UBTD1: variants seen among roughly 807,000 people sequenced by gnomAD.
The protein encoded by UBTD1 is ubiquitin domain containing 1.
UBTD1 carries 19 observed loss-of-function variants against 21.7 expected under a neutral mutation model. The observed-to-expected ratio is 0.87, with a 90% CI of 0.61 to 1.28. The LOEUF is 1.28. UBTD1 is among the 50% of genes most tolerant of loss of function. The pLI is 0.00. For missense variants in UBTD1, 282 were observed against 315.1 expected (o/e 0.89, Z 0.80); for synonymous variants, 116 against 135.1 (o/e 0.86, Z 0.98).
chr10:97,503,772 T>C (rs968433416), intron 1 of UBTD1, among the ~76,000 whole-genome samples: 1 of 152,168 alleles, frequency 6.6e-6, no homozygotes, highest in African/African-American at 2.4e-5. Flanking sequence ...CTTACAGTCT[T>C]GTAGGGGGCA....
At chr10:97,518,195 G>C (rs1195947177) in intron 1 of UBTD1, among the ~76,000 whole-genome samples, 6 of 152,184 alleles carry the variant, frequency 3.9e-5, no homozygotes, top group Non-Finnish European at 8.8e-5. Context: ...TGGAATACTG[G>C]GTGCATCTTG....
intron 1 of UBTD1, among the ~76,000 whole-genome samples, chr10:97,519,321 C>CT (rs1464198260): frequency 6.6e-6 from 1 of 152,194 alleles, no homozygotes; most frequent in Non-Finnish European, 1.5e-5. Context: ...TTCCGTAAAG[C>CT]TTTAAGAACT....
At chr10:97,499,923 T>A (rs2040341291) in intron 1 of UBTD1, among the ~76,000 whole-genome samples, 1 of 152,162 alleles carries the variant, frequency 6.6e-6, no homozygotes, top group African/African-American at 2.4e-5. Context: ...CTGGTGATCC[T>A]CCAGGCCCGC....
At chr10:97,566,468 C>T (rs1190819228) in intron 1 of UBTD1, among the ~76,000 whole-genome samples, 2 of 152,148 alleles carry the variant, frequency 1.3e-5, no homozygotes, top group Non-Finnish European at 2.9e-5. Context: ...ACTGTGAATT[C>T]AGATGGTGAA....
chr10:97,558,677 G>A (rs1359405289), intron 1 of UBTD1, among the ~76,000 whole-genome samples: 1 of 151,652 alleles, frequency 6.6e-6, no homozygotes, highest in Non-Finnish European at 1.5e-5. Context: ...AGCTCTTGCT[G>A]TTGGGTGTAA....
chr10:97,543,166 G>A (rs2040594077), intron 1 of UBTD1, among the ~76,000 whole-genome samples: 5 of 152,226 alleles, frequency 3.3e-5, no homozygotes, highest in Admixed American at 1.3e-4. Flanking sequence ...TGCGGACCCC[G>A]AGGGTCAGAA....
At chr10:97,505,930 TA>T (rs1213578256) in intron 1 of UBTD1, among the ~76,000 whole-genome samples, 7 of 152,244 alleles carry the variant, frequency 4.6e-5, no homozygotes, top group African/African-American at 1.7e-4. Context: ...AAGAAATGTT[TA>T]AAAACTATTT....
At chr10:97,505,059 G>A (rs186887847) in intron 1 of UBTD1, among the ~76,000 whole-genome samples, 12 of 152,260 alleles carry the variant, frequency 7.9e-5, no homozygotes, top group Admixed American at 5.9e-4. Flanking sequence ...CCAGGCACAC[G>A]TGATGTTTGT....
intron 1 of UBTD1, among the ~76,000 whole-genome samples, chr10:97,531,179 G>A (rs537175161): frequency 2.0e-5 from 3 of 149,900 alleles, no homozygotes; most frequent in South Asian, 2.1e-4. Flanking sequence ...GAGCCACTGC[G>A]CCCAGCCTAT....
At chr10:97,547,901 G>GGA (rs1554867091) in intron 1 of UBTD1, among the ~76,000 whole-genome samples, 921 of 43,452 alleles carry the variant, frequency 0.021, 6 homozygotes, top group Non-Finnish European at 0.065. Context: ...GCAACTTTAT[G>GGA]AAAAAAAAAA....
intron 1 of UBTD1, among the ~76,000 whole-genome samples, chr10:97,531,031 G>T (rs1413479264): frequency 6.6e-6 from 1 of 151,710 alleles, no homozygotes; most frequent in Admixed American, 6.6e-5. Flanking sequence ...GGGACTACAG[G>T]TGCCCGCCAC....
intron 1 of UBTD1, among the ~76,000 whole-genome samples, chr10:97,565,577 A>G (rs2040713587): frequency 6.6e-6 from 1 of 152,172 alleles, no homozygotes; most frequent in South Asian, 2.1e-4. Context: ...CCTTGAGCCC[A>G]GGAGTTTGAG....
chr10:97,511,290 T>C (rs1395213819), intron 1 of UBTD1, among the ~76,000 whole-genome samples: 1 of 152,110 alleles, frequency 6.6e-6, no homozygotes, highest in African/African-American at 2.4e-5. Flanking sequence ...AGATTCTCCT[T>C]TAGGGGAGAG....
intron 1 of UBTD1, among the ~76,000 whole-genome samples, chr10:97,532,429 C>T (rs1297587201): frequency 2.0e-5 from 3 of 151,338 alleles, no homozygotes; most frequent in Non-Finnish European, 2.9e-5. Context: ...GCGGATCTCC[C>T]GAGGTCAGGA....
intron 1 of UBTD1, among the ~76,000 whole-genome samples, chr10:97,520,859 T>G (rs987120042): frequency 4.6e-5 from 7 of 152,170 alleles, no homozygotes; most frequent in African/African-American, 1.7e-4. Flanking sequence ...AGAGAGGCCG[T>G]GTCCAGGACA....
intron 1 of UBTD1, among the ~76,000 whole-genome samples, chr10:97,549,925 C>G (rs568655369): frequency 6.6e-6 from 1 of 152,254 alleles, no homozygotes; most frequent in Non-Finnish European, 1.5e-5. Flanking sequence ...TGGCTCCCCC[C>G]TCCCCGCCTG....
At chr10:97,558,310 A>G (rs1032891961) in intron 1 of UBTD1, among the ~76,000 whole-genome samples, 4 of 152,170 alleles carry the variant, frequency 2.6e-5, no homozygotes, top group African/African-American at 9.7e-5. Context: ...TTCACAGAGC[A>G]AGCTTTGGTA....
intron 1 of UBTD1, among the ~76,000 whole-genome samples, chr10:97,529,429 T>C (rs2040514957): frequency 6.6e-6 from 1 of 151,450 alleles, no homozygotes; most frequent in South Asian, 2.1e-4. Flanking sequence ...GAGGTGGAGG[T>C]TGTAGCGAGC....
At chr10:97,544,844 A>T (rs1221938482) in intron 1 of UBTD1, among the ~76,000 whole-genome samples, 1 of 152,116 alleles carries the variant, frequency 6.6e-6, no homozygotes, top group Non-Finnish European at 1.5e-5. Context: ...AATAAATAAA[A>T]TCATAAGGAA....
Sources: gnomAD v4.1 joint callset for allele counts (sites outside exome capture counted in the v4.1 genomes callset) on GRCh38, gnomAD v4.1.1 for gene constraint, MANE v1.5 for transcripts, NCBI Gene and HGNC (gene_info 2026-07-23, HGNC 2026-07-21) for gene names.